The following SLC27A6 variants were observed in gnomAD, a reference collection of about 807,000 sequenced individuals.
SLC27A6 encodes the protein solute carrier family 27 member 6.
Under a neutral mutation model 63.9 loss-of-function variants are expected in SLC27A6, and 74 were observed. The observed-to-expected ratio is 1.16, with a 90% CI of 0.96 to 1.40. The LOEUF is 1.40. Ranked by LOEUF, SLC27A6 falls within the 40% of genes most tolerant of loss-of-function variation. SLC27A6 has a pLI of 0.00. For missense variants in SLC27A6, 794 were observed against 732.9 expected (o/e 1.08, Z -0.96); for synonymous variants, 287 against 260.8 (o/e 1.10, Z -0.97).
intron 1 of SLC27A6, among the ~76,000 whole-genome samples, chr5:128,969,047 C>T (rs995606235): frequency 6.6e-6 from 1 of 152,056 alleles, no homozygotes; most frequent in Non-Finnish European, 1.5e-5. Context: ...TTGTTTTTGT[C>T]AGGTTTGTCA....
chr5:129,021,724 G>T (rs1341864651), intron 5 of SLC27A6, among the ~76,000 whole-genome samples: 1 of 152,198 alleles, frequency 6.6e-6, no homozygotes, highest in Non-Finnish European at 1.5e-5. Context: ...AGGCAGGAAG[G>T]AGAATGGAAA....
At chr5:128,972,427 A>G (rs1017929970) in intron 1 of SLC27A6, among the ~76,000 whole-genome samples, 3 of 152,156 alleles carry the variant, frequency 2.0e-5, no homozygotes, top group African/African-American at 7.2e-5. Flanking sequence ...GTCTTTTCAC[A>G]TAGTCCCATA....
chr5:128,985,145 C>G lies in SLC27A6; in HGVS notation c.494C>G (p.Thr165Arg), dbSNP rs751633409. The change falls in exon 2 of 10, where the codon ACG becomes AGG. Residue 165 changes from threonine to arginine, a missense_variant. Physicochemically the swap from Thr to Arg is moderately conservative, Grantham distance 71 (BLOSUM62 -1). Transcript: ENST00000262462. Reference protein sequence around the residue: ...ALVVGADLLGTVEEILPSLSE... With the variant: ...ALVVGADLLGRVEEILPSLSE... ...CTTTGGCTTTTAGATTTGCTTGGAA[C>G]GGTAGAAGAAATCCTTCCAAGCCTC... 6.2e-7 allele frequency: 1 copy of G among 1,612,740 alleles called. No individual in the cohort carries two copies. Among genetic ancestry groups the G allele is most frequent in the African/African-American group, 1.3e-5 (1 of 74,882 alleles).
intron 4 of SLC27A6, among the ~76,000 whole-genome samples, chr5:129,001,489 T>C (rs1057117551): frequency 4.6e-5 from 7 of 152,192 alleles, no homozygotes; most frequent in African/African-American, 1.7e-4. Context: ...GACACATGTA[T>C]ATATATAATT....
intron 1 of SLC27A6, among the ~76,000 whole-genome samples, chr5:128,979,608 T>C (rs1175900458): frequency 6.6e-6 from 1 of 152,262 alleles, no homozygotes; most frequent in Non-Finnish European, 1.5e-5. Flanking sequence ...ACATGCCTTC[T>C]TGTGCCATTT....
chr5:128,996,918 G>A (rs1385037515), intron 4 of SLC27A6, among the ~76,000 whole-genome samples: 1 of 152,094 alleles, frequency 6.6e-6, no homozygotes, highest in Admixed American at 6.5e-5. Flanking sequence ...ACGGTCATAA[G>A]CTAAAATCTT....
At chr5:129,000,840 C>G (rs966396459) in intron 4 of SLC27A6, among the ~76,000 whole-genome samples, 1 of 151,856 alleles carries the variant, frequency 6.6e-6, no homozygotes, top group Admixed American at 6.6e-5. Flanking sequence ...CTACAAGGTG[C>G]CTTTGAATGT....
chr5:128,983,090 T>C (rs923866103), intron 1 of SLC27A6, among the ~76,000 whole-genome samples: 6 of 152,206 alleles, frequency 3.9e-5, no homozygotes, highest in African/African-American at 1.4e-4. Context: ...CAATGACTGA[T>C]AGTTGGCCTT....
At chr5:129,014,762 C>A (rs187276510) in intron 4 of SLC27A6, among the ~76,000 whole-genome samples, 2 of 152,266 alleles carry the variant, frequency 1.3e-5, no homozygotes, top group East Asian at 3.9e-4. Context: ...TTTCTGCTTT[C>A]CTCATTCTTT....
intron 2 of SLC27A6, among the ~76,000 whole-genome samples, chr5:128,985,539 C>T (rs529803493): frequency 4.6e-5 from 7 of 152,088 alleles, no homozygotes; most frequent in Non-Finnish European, 5.9e-5. Flanking sequence ...TCATTGTGTT[C>T]ATTTGGCATT....
At chr5:128,971,386 G>C (rs1399468389) in intron 1 of SLC27A6, among the ~76,000 whole-genome samples, 3 of 152,008 alleles carry the variant, frequency 2.0e-5, no homozygotes, top group Non-Finnish European at 4.4e-5. Context: ...TTATTGTTTG[G>C]GGGTCTAAGT....
intron 7 of SLC27A6, among the ~76,000 whole-genome samples, chr5:129,027,839 T>G (rs185051868): frequency 1.3e-5 from 2 of 152,220 alleles, no homozygotes. Flanking sequence ...TCACTTTATA[T>G]AAAATTATTT....
At chr5:128,986,362 C>T (rs1271644119) in intron 2 of SLC27A6, among the ~76,000 whole-genome samples, 1 of 152,084 alleles carries the variant, frequency 6.6e-6, no homozygotes, top group East Asian at 1.9e-4. Context: ...TAATTGATTT[C>T]TAGGAAAAAC....
At chr5:129,009,153 C>A (rs562974789) in intron 4 of SLC27A6, among the ~76,000 whole-genome samples, 15 of 152,200 alleles carry the variant, frequency 9.9e-5, no homozygotes, top group African/African-American at 3.4e-4. Context: ...AGCCACCATG[C>A]CCAGCCTCAA....
intron 4 of SLC27A6, among the ~76,000 whole-genome samples, chr5:129,006,709 G>A (rs1751552953): frequency 6.6e-6 from 1 of 151,862 alleles, no homozygotes; most frequent in African/African-American, 2.4e-5. Context: ...TTTATATCAC[G>A]TATTTTATGT....
chr5:129,015,571 G>A (rs1751862961), intron 4 of SLC27A6, among the ~76,000 whole-genome samples: 1 of 151,984 alleles, frequency 6.6e-6, no homozygotes, highest in Non-Finnish European at 1.5e-5. Flanking sequence ...TGTTATCAAA[G>A]TAATGATTTT....
chr5:129,022,205 C>T (rs986385556), intron 5 of SLC27A6, among the ~76,000 whole-genome samples: 1 of 152,104 alleles, frequency 6.6e-6, no homozygotes, highest in African/African-American at 2.4e-5. Context: ...AATATATTTG[C>T]TTTGCTGCCT....
In SLC27A6 at chr5:129,008,246, T is replaced by A. The variant is rs1212267662; in HGVS notation, c.970-7639T>A. 4.6e-5 allele frequency among the ~76,000 whole-genome samples: 7 copies of A among 152,138 alleles called. No individual in the cohort carries two copies. The South Asian group carries it at 8.3e-4, about 18-fold the overall frequency. On this transcript the variant is annotated intron_variant, in intron 4 of 9. Coordinates refer to ENST00000262462, the MANE Select transcript of SLC27A6 (RefSeq NM_001017372.3). ...TTCTTTAAAGGAAAGAAAAATTTTT[T>A]AAAAAGAGATCTTGGACATTAGAGA...
chr5:129,002,427 C>A (rs1385313186), intron 4 of SLC27A6, among the ~76,000 whole-genome samples: 3 of 128,720 alleles, frequency 2.3e-5, no homozygotes, highest in Non-Finnish European at 5.4e-5. Flanking sequence ...AGCTGGTTTC[C>A]TCCCCACTCC....
Sources: gnomAD v4.1 joint callset for allele counts (sites outside exome capture counted in the v4.1 genomes callset) on GRCh38, gnomAD v4.1.1 for gene constraint, MANE v1.5 for transcripts, NCBI Gene and HGNC (gene_info 2026-07-23, HGNC 2026-07-21) for gene names.